Variants in DAB2IP observed in about 807,000 individuals in gnomAD.
DAB2IP encodes the protein disabled homolog 2-interacting protein.
DAB2IP carries 28 observed loss-of-function variants against 107.2 expected under a neutral mutation model. The ratio of observed to expected loss-of-function variants is 0.26; its 90% CI spans 0.19 to 0.36. The LOEUF (loss-of-function observed/expected upper bound fraction) is 0.36. Among genes scored for constraint, DAB2IP ranks in the 10% least tolerant of loss-of-function variants. The probability of loss-of-function intolerance (pLI) is 1.00; values close to 1 mark genes in which losing one functional copy is unlikely to be tolerated. For missense variants in DAB2IP, 1,400 were observed against 1,644.7 expected (o/e 0.85, Z 2.57); for synonymous variants, 755 against 706.4 (o/e 1.07, Z -1.09).
intron 9 of DAB2IP, among the ~76,000 whole-genome samples, chr9:121,768,055 G>C (rs1834411984): frequency 6.6e-6 from 1 of 152,088 alleles, no homozygotes; most frequent in Non-Finnish European, 1.5e-5. Flanking sequence ...ACTCCCAGGG[G>C]TGGTGCCTGC....
At chr9:121,588,146 C>T (rs1335473020) in intron 1 of DAB2IP, among the ~76,000 whole-genome samples, 1 of 152,162 alleles carries the variant, frequency 6.6e-6, no homozygotes, top group Non-Finnish European at 1.5e-5. Context: ...CTACCCATCC[C>T]CTTAGCGGCA....
intron 1 of DAB2IP, among the ~76,000 whole-genome samples, chr9:121,588,964 C>T (rs1446458765): frequency 1.3e-5 from 2 of 151,830 alleles, no homozygotes; most frequent in Non-Finnish European, 2.9e-5. Flanking sequence ...GCACATCACA[C>T]CCCCTACCCC....
At position 121,783,828 on chromosome 9, in the gene DAB2IP, T is replaced by C. The variant is rs201588787; in HGVS notation, c.*1330T>C. 23 of 523,046 alleles carry C rather than the reference T, an allele frequency of 4.4e-5. No homozygotes were observed. The East Asian group carries it at 7.0e-4, about 16-fold the overall frequency. 32.4% of individuals were successfully genotyped at this position (523,046 alleles called of 1,614,324 possible). ...TGTAGCTTATCTGCCCCTCCCCCAC[T>C]TTCAAGACAGATGAGCAGGAGCTTG... On this transcript the variant is annotated 3_prime_UTR_variant, in exon 16 of 16. Coordinates refer to ENST00000408936, the Ensembl canonical transcript of DAB2IP.
At position 121,771,542 on chromosome 9, in the gene DAB2IP, T is replaced by TG. The variant is rs1834735328; in HGVS notation, c.2078+821dup. 2.0e-5 allele frequency among the ~76,000 whole-genome samples: 3 copies of TG among 151,922 alleles called. No individual in the cohort carries two copies. The South Asian group carries it at 6.2e-4, about 32-fold the overall frequency. On this transcript the variant is annotated intron_variant, in intron 11 of 15. Transcript: ENST00000408936. ...GATGCAGGTCCACTGAGTCTTGCATTGGGTCTGTTCAGTGAGTGTGCCAAG... is the reference window on the plus strand; with the variant it reads ...GATGCAGGTCCACTGAGTCTTGCATTGGGGTCTGTTCAGTGAGTGTGCCAAG...
In DAB2IP at chr9:121,669,448, C is replaced by T. The variant is rs186550168; in HGVS notation, c.125-9230C>T. On this transcript the variant is annotated intron_variant, in intron 1 of 15. Coordinates refer to ENST00000408936, the Ensembl canonical transcript of DAB2IP. ...TTACTCATTGCAGTGAGGGAGAGCA[C>T]GCACCATGGGGCATCTCAGAAAGTG... is the stretch of plus-strand genomic sequence containing the variant. Among the ~76,000 whole-genome samples the T allele has an allele frequency of 3.9e-5, 6 of 151,940 alleles. No individual in the cohort carries two copies. In the East Asian group the frequency reaches 5.8e-4, roughly 15 times the overall value.
chr9:121,625,981 A>AGGCAGGAGTTTGTGATTTGG (rs1831631357), intron 1 of DAB2IP, among the ~76,000 whole-genome samples: 6 of 152,066 alleles, frequency 3.9e-5, no homozygotes, highest in Admixed American at 2.6e-4. Context: ...CTCCTGGCTC[A>AGGCAGGAGTTTGTGATTTGG]CATTGGCATT....
rs368843216 is a variant in DAB2IP, at chr9:121,778,544, CCTT to C, written c.3314+2157_3314+2159del. Among the ~76,000 whole-genome samples the C allele has an allele frequency of 3.6e-3, 551 of 152,146 alleles. 5 individuals are homozygous for C. The highest frequency in any genetic ancestry group is 0.012 in the African/African-American group (517 of 41,486). On this transcript the variant is annotated intron_variant, in intron 14 of 15. Transcript: ENST00000408936. ...TGTACCATCTGTTCTTTTTTTCCTG[CCTT>C]CTTTTGGACTGAGTATTTTTTTATG... is the stretch of plus-strand genomic sequence containing the variant.
chr9:121,668,907 CTTTTTTTTTTT>C (rs377320590), intron 1 of DAB2IP, among the ~76,000 whole-genome samples: 7,109 of 72,864 alleles, frequency 0.098, 297 homozygotes, highest in Admixed American at 0.14. Flanking sequence ...GTAAGCCTTA[CTTTTTTTTTTT>C]TTTTTTTTTT....
intron 1 of DAB2IP, among the ~76,000 whole-genome samples, chr9:121,577,352 C>G (rs1194658530): frequency 6.6e-6 from 1 of 152,228 alleles, no homozygotes; most frequent in Non-Finnish European, 1.5e-5. Context: ...GCCGGATCGC[C>G]AGCACCCCAG....
rs1031866995 is a variant in DAB2IP at position 121,676,519 on chromosome 9, C to A, written c.125-2159C>A. On this transcript the variant is annotated intron_variant, in intron 1 of 15. Transcript: ENST00000408936. ...GAAACCTCTGCCCTGTCCTTCTTCTCCCTTGCGAGTCAACAGGTCTTTCCC... is the reference window on the plus strand; with the variant it reads ...GAAACCTCTGCCCTGTCCTTCTTCTACCTTGCGAGTCAACAGGTCTTTCCC... Among the ~76,000 whole-genome samples the A allele has an allele frequency of 8.5e-5, 13 of 152,194 alleles. No homozygotes were observed. The East Asian group carries it at 2.5e-3, about 29-fold the overall frequency.
rs577924316 is a variant in DAB2IP at position 121,772,026 on chromosome 9, A to G, written c.2079-581A>G. Among the ~76,000 whole-genome samples the G allele has an allele frequency of 1.6e-4, 25 of 152,280 alleles. 1 individual carries two copies. The highest frequency in any genetic ancestry group is 3.4e-3 in the Middle Eastern group (1 of 294). ...CAGGGCAAGTGCAGCCCTCCCACCA[A>G]GTCATGCTCTCCACAGAGCCTGCTC... On this transcript the variant is annotated intron_variant, in intron 11 of 15. Transcript: ENST00000408936. The surrounding 1 kb of genome is among the most constrained non-coding windows in gnomAD (Gnocchi z 4.7).
At chr9:121,665,964 A>G (rs548954629) in intron 1 of DAB2IP, among the ~76,000 whole-genome samples, 37 of 152,356 alleles carry the variant, frequency 2.4e-4, no homozygotes, top group African/African-American at 8.7e-4. Flanking sequence ...TGCTGTAACA[A>G]ATTACCACAA....
In DAB2IP at chr9:121,684,077, C is replaced by T. The variant is rs12343393; in HGVS notation, c.228+5296C>T. 0.054 allele frequency among the ~76,000 whole-genome samples: 8,181 copies of T among 152,112 alleles called. 528 individuals are homozygous for T. The highest frequency in any genetic ancestry group is 0.16 in the East Asian group (849 of 5,170). On this transcript the variant is annotated intron_variant, in intron 2 of 15. Transcript: ENST00000408936. The surrounding 1 kb of genome is among the most constrained non-coding windows in gnomAD (Gnocchi z 4.0). ...GACCTCAGGTTTTCCAGCTGCTCAC[C>T]CCTTTTCTCACTCCTGTAGCCTCCC...
At chr9:121,748,879 G>C (rs1832900046) in intron 3 of DAB2IP, among the ~76,000 whole-genome samples, 1 of 152,186 alleles carries the variant, frequency 6.6e-6, no homozygotes, top group Admixed American at 6.5e-5. Context: ...GGTGAGGGCA[G>C]AAGGCCACGT....
At position 121,695,918 on chromosome 9, in the gene DAB2IP, G is replaced by T. The variant is rs552355127; in HGVS notation, c.229-3407G>T. Among the ~76,000 whole-genome samples the T allele has an allele frequency of 2.0e-5, 3 of 152,252 alleles. No individual in the cohort carries two copies. The South Asian group carries it at 6.2e-4, about 32-fold the overall frequency. On this transcript the variant is annotated intron_variant, in intron 2 of 15. Coordinates refer to ENST00000408936, the Ensembl canonical transcript of DAB2IP. ...GGAATCTTGTTTTGTTGCCCAGGCC[G>T]AAGTGCAGTGGCCAAACTTGGCTCA...
chr9:121,586,654 A>G (rs142506600), intron 1 of DAB2IP, among the ~76,000 whole-genome samples: 1 of 152,044 alleles, frequency 6.6e-6, no homozygotes, highest in East Asian at 1.9e-4. Flanking sequence ...TCCCTTCTTT[A>G]CAAAAAAATA....
rs747456330 is a variant in DAB2IP at position 121,772,675 on chromosome 9, C to G, written c.2147C>G (p.Ser716Cys). 4 of 1,613,990 alleles carry G rather than the reference C, an allele frequency of 2.5e-6. No homozygotes were observed. Among genetic ancestry groups the G allele is most frequent in the Non-Finnish European group, 3.4e-6 (4 of 1,180,022 alleles). The change falls in exon 12 of 16, where the codon TCC (serine) becomes TGC (cysteine). Residue 716 changes from serine to cysteine, a missense_variant. Physicochemically the swap from Ser to Cys is moderately radical, Grantham distance 112. Coordinates refer to ENST00000408936, the Ensembl canonical transcript of DAB2IP. The surrounding 1 kb of genome is among the most constrained non-coding windows in gnomAD (Gnocchi z 4.7). ...AAGGACTTGTTTTTTGTCACAAGGT[C>G]CTCCGGGGTCCAGCCCTCACCTGCC...
At chr9:121,758,312 C>T (rs1381804752) in intron 4 of DAB2IP, among the ~76,000 whole-genome samples, 4 of 152,270 alleles carry the variant, frequency 2.6e-5, no homozygotes, top group East Asian at 1.9e-4. Flanking sequence ...GGGTCAGGGA[C>T]TGGGGACCCT....
intron 1 of DAB2IP, among the ~76,000 whole-genome samples, chr9:121,593,141 C>T (rs558608958): frequency 3.1e-4 from 47 of 151,966 alleles, no homozygotes; most frequent in Non-Finnish European, 5.9e-4. Flanking sequence ...TGGAGTGCAA[C>T]GGCATGATCA....
Sources: gnomAD v4.1 joint callset for allele counts (sites outside exome capture counted in the v4.1 genomes callset) on GRCh38, gnomAD v4.1.1 for gene constraint, Gnocchi (gnomAD v3.1) non-coding constraint, MANE v1.5 for transcripts, NCBI Gene and HGNC (gene_info 2026-07-23, HGNC 2026-07-21) for gene names.